DPYSL5: variants seen among roughly 807,000 people sequenced by gnomAD.
The protein encoded by DPYSL5 is dihydropyrimidinase like 5.
In DPYSL5, 9 loss-of-function variants were observed where a neutral mutation model predicts 58.4. The ratio of observed to expected loss-of-function variants is 0.15; its 90% CI spans 0.09 to 0.27. The LOEUF (loss-of-function observed/expected upper bound fraction) is 0.27. Ranked by LOEUF, DPYSL5 falls within the 10% of genes least tolerant of loss-of-function variation. The probability of loss-of-function intolerance (pLI) is 1.00; values close to 1 mark genes in which losing one functional copy is unlikely to be tolerated. For synonymous variants in DPYSL5, 293 were observed against 301.9 expected, an observed-to-expected ratio of 0.97 and a Z score of 0.31; for missense variants, 499 against 770.6, an observed-to-expected ratio of 0.65 and a Z score of 4.17.
chr2:26,935,594 C>T (rs1665151015), intron 8 of DPYSL5, among the ~76,000 whole-genome samples: 1 of 148,876 alleles, frequency 6.7e-6, no homozygotes, highest in Admixed American at 6.8e-5. Context: ...GAGGCTGAGG[C>T]AGGAGAATCA....
Position 26,941,837 on chromosome 2 carries a change from C to A in DPYSL5, c.1090-113C>A, listed in dbSNP as rs566417952. ...TGCTCATGGCCTTGTCCCTTTGTGA[C>A]CACTGTCCTGACCACCTAAGCCCTA... On this transcript the variant is annotated intron_variant, in intron 9 of 12. Coordinates refer to ENST00000288699, the MANE Select transcript of DPYSL5 (RefSeq NM_020134.4). 12 of 1,430,206 alleles carry A rather than the reference C, an allele frequency of 8.4e-6. No homozygotes were observed. The African/African-American group carries it at 1.7e-4, about 20-fold the overall frequency. 88.6% of individuals were successfully genotyped at this position (1,430,206 alleles called of 1,614,324 possible).
At chr2:26,859,963 A>G (rs974003952) in intron 1 of DPYSL5, among the ~76,000 whole-genome samples, 1 of 152,208 alleles carries the variant, frequency 6.6e-6, no homozygotes, top group East Asian at 1.9e-4. Context: ...ATTTCCAGGA[A>G]GGAGCTAGTG....
At chr2:26,848,819 C>T (rs991333731) in intron 1 of DPYSL5, among the ~76,000 whole-genome samples, 9 of 152,150 alleles carry the variant, frequency 5.9e-5, no homozygotes, top group Non-Finnish European at 7.4e-5. Flanking sequence ...CTGCAGAGGA[C>T]TCGCCCGCCG....
intron 1 of DPYSL5, among the ~76,000 whole-genome samples, chr2:26,875,898 G>A (rs12615509): frequency 0.4 from 60,331 of 151,982 alleles, 12,369 homozygotes; most frequent in Admixed American, 0.53. Context: ...TGAATTAGAC[G>A]GGCAGGCAAC....
intron 2 of DPYSL5, among the ~76,000 whole-genome samples, chr2:26,923,418 T>A (rs1394501974): frequency 6.6e-6 from 1 of 152,248 alleles, no homozygotes; most frequent in African/African-American, 2.4e-5. Context: ...AGCAATGTTT[T>A]ACTTAACCTT....
chr2:26,922,882 C>T (rs1427452227), intron 2 of DPYSL5, among the ~76,000 whole-genome samples: 2 of 152,228 alleles, frequency 1.3e-5, no homozygotes, highest in African/African-American at 2.4e-5. Flanking sequence ...GCAGGTGCCA[C>T]AGAACTACCA....
In DPYSL5 at chr2:26,947,762, A is replaced by G. The variant is rs1307355857; in HGVS notation, c.*767A>G. On this transcript the variant is annotated 3_prime_UTR_variant, in exon 13 of 13. Transcript: ENST00000288699. This position sits in a 1 kb window ranked among gnomAD's most constrained non-coding sequence, Gnocchi z 4.2. The stretch of plus-strand genomic sequence containing the variant: ...ACGGTGCTTGTGTCACTAGCATAGA[A>G]TAGCGACAGGAATAGATGTGGTCCT... The G allele has an allele frequency of 6.5e-6, 1 of 152,858 alleles. No individual in the cohort carries two copies. Among genetic ancestry groups the G allele is most frequent in the African/African-American group, 2.4e-5 (1 of 41,462 alleles). The allele number at this position is 152,858 out of a possible 1,614,324, so 9.5% of individuals were successfully genotyped here.
intron 2 of DPYSL5, among the ~76,000 whole-genome samples, chr2:26,908,719 A>T (rs1487548345): frequency 6.6e-6 from 1 of 152,226 alleles, no homozygotes; most frequent in African/African-American, 2.4e-5. Flanking sequence ...GATTGAGGCC[A>T]AGTGTCTTGG....
rs1572709859 is a variant in DPYSL5, at chr2:26,925,139, A to T, written c.420+94A>T. ...GCAGTGCCTCCTGCTTGTGTGGGGC[A>T]CCCCTCCCACTACCATCCTAGCTCC... On this transcript the variant is annotated intron_variant, in intron 3 of 12. Transcript: ENST00000288699. The surrounding 1 kb of genome is among the most constrained non-coding windows in gnomAD (Gnocchi z 4.5). The T allele has an allele frequency of 6.8e-7, 1 of 1,467,706 alleles. No individual in the cohort carries two copies. Among genetic ancestry groups the T allele is most frequent in the South Asian group, 1.3e-5 (1 of 76,328 alleles). 90.9% of individuals were successfully genotyped at this position (1,467,706 alleles called of 1,614,324 possible). A position where few individuals can be genotyped will look rare whatever the true frequency, so the allele number is the denominator to read the frequency against.
chr2:26,943,968 A>T (rs377345944), intron 11 of DPYSL5, among the ~76,000 whole-genome samples: 10 of 152,242 alleles, frequency 6.6e-5, no homozygotes, highest in African/African-American at 2.4e-4. Flanking sequence ...GTGGGGAATA[A>T]CGTTGCGCTG....
intron 1 of DPYSL5, among the ~76,000 whole-genome samples, chr2:26,878,103 T>G (rs1371245446): frequency 6.6e-6 from 1 of 152,262 alleles, no homozygotes; most frequent in African/African-American, 2.4e-5. Context: ...TTCCTTCTGG[T>G]GAGAACATAC....
intron 8 of DPYSL5, among the ~76,000 whole-genome samples, chr2:26,936,737 A>G (rs1665188923): frequency 6.6e-6 from 1 of 151,968 alleles, no homozygotes. Context: ...AGATTACCTG[A>G]GGTCAGGAGT....
intron 2 of DPYSL5, among the ~76,000 whole-genome samples, chr2:26,915,015 C>G (rs145055264): frequency 2.6e-5 from 4 of 152,244 alleles, no homozygotes; most frequent in Middle Eastern, 6.8e-3. Context: ...TCTTGATGCT[C>G]TCCTATGCTG....
chr2:26,872,183 G>T (rs2148117831), intron 1 of DPYSL5, among the ~76,000 whole-genome samples: 1 of 152,362 alleles, frequency 6.6e-6, no homozygotes, highest in East Asian at 1.9e-4. Flanking sequence ...AGAGAGGAGA[G>T]CAGGGAGCAT....
intron 1 of DPYSL5, among the ~76,000 whole-genome samples, chr2:26,855,166 A>G (rs1665848093): frequency 6.6e-6 from 1 of 150,524 alleles, no homozygotes. Context: ...GCGGTGGCTC[A>G]TGCCTGAAAT....
At position 26,927,942 on chromosome 2, in the gene DPYSL5, C is replaced by T. The variant is rs537957292; in HGVS notation, c.601-313C>T. ...AGTCTCGATTTCCAGAGAGGGAATT[C>T]TGAGTTTGAAATCAGTAAAGAGTGC... On this transcript the variant is annotated intron_variant, in intron 4 of 12. Transcript: ENST00000288699. The surrounding 1 kb of genome is among the most constrained non-coding windows in gnomAD (Gnocchi z 4.3). 2.0e-5 allele frequency among the ~76,000 whole-genome samples: 3 copies of T among 152,276 alleles called. No homozygotes were observed. The highest frequency in any genetic ancestry group is 2.0e-4 in the Admixed American group (3 of 15,286).
At chr2:26,922,594 A>G (rs1046085223) in intron 2 of DPYSL5, among the ~76,000 whole-genome samples, 4 of 152,084 alleles carry the variant, frequency 2.6e-5, no homozygotes, top group African/African-American at 9.7e-5. Context: ...CTCTTTTCCT[A>G]TCCAAGCCTG....
intron 2 of DPYSL5, among the ~76,000 whole-genome samples, chr2:26,901,342 C>G (rs1384796132): frequency 1.3e-5 from 2 of 152,138 alleles, no homozygotes; most frequent in Non-Finnish European, 2.9e-5. Context: ...TCTACCTGGA[C>G]TCCATTAGTA....
At chr2:26,903,107 T>C (rs548990421) in intron 2 of DPYSL5, among the ~76,000 whole-genome samples, 1 of 151,924 alleles carries the variant, frequency 6.6e-6, no homozygotes, top group East Asian at 1.9e-4. Context: ...TCTCACACTG[T>C]CACCCAGGCT....
Sources: allele counts gnomAD v4.1 joint callset (sites outside exome capture counted in the v4.1 genomes callset), GRCh38; gene constraint gnomAD v4.1.1; non-coding constraint Gnocchi (gnomAD v3.1); transcripts MANE v1.5; gene names NCBI Gene and HGNC (gene_info 2026-07-23, HGNC 2026-07-21).